PRPF3: variants seen among roughly 807,000 people sequenced by gnomAD.
The protein encoded by PRPF3 is pre-mRNA processing factor 3, also known as U4/U6 small nuclear ribonucleoprotein Prp3.
In PRPF3, 3 loss-of-function variants were observed where a neutral mutation model predicts 89.2. The observed-to-expected ratio is 0.03, with a 90% CI of 0.02 to 0.09. The LOEUF is 0.09. PRPF3 is among the 10% of genes least tolerant of loss of function. PRPF3 has a pLI of 1.00. For synonymous variants in PRPF3, 270 were observed against 289.1 expected (o/e 0.93, Z 0.67); for missense variants, 463 against 828.8 (o/e 0.56, Z 5.42).
intron 15 of PRPF3, among the ~76,000 whole-genome samples, chr1:150,351,006 C>A (rs1553874229): frequency 6.0e-5 from 9 of 151,072 alleles, no homozygotes. Flanking sequence ...GTGGCTCATG[C>A]CTATACTCCC....
At chr1:150,330,621 C>A (rs587638002) in intron 4 of PRPF3, 4 of 152,250 alleles carry the variant, frequency 2.6e-5, no homozygotes, top group African/African-American at 9.6e-5. Context: ...TCCCAAAGTG[C>A]TGGGATTACA....
chr1:150,346,764 C>T lies in PRPF3; in HGVS notation c.1843+273C>T, dbSNP rs192846747. ...CTGTGTCTGTCCTGGATCTGAGTAC[C>T]GGTTACATGAATTTATTCAGTATTT... is the stretch of plus-strand genomic sequence containing the variant. On this transcript the variant is annotated intron_variant, in intron 14 of 15. Transcript: ENST00000324862. Among the ~76,000 whole-genome samples the T allele has an allele frequency of 1.0e-3, 154 of 152,196 alleles. 1 individual carries two copies. Among genetic ancestry groups the T allele is most frequent in the African/African-American group, 3.5e-3 (146 of 41,532 alleles).
At chr1:150,346,609 G>A in intron 14 of PRPF3, 118 bp downstream of exon 14, 4 of 1,056,478 alleles carry the variant, frequency 3.8e-6, no homozygotes, top group Non-Finnish European at 1.4e-6. Context: ...TAGTGTTCAG[G>A]AATTTTAGAA....
intron 7 of PRPF3, among the ~76,000 whole-genome samples, chr1:150,335,763 C>CCTT (rs1656910847): frequency 7.0e-6 from 1 of 142,406 alleles, no homozygotes; most frequent in African/African-American, 2.6e-5. Context: ...CCGCCCCCGC[C>CCTT]TTTTTTTTTT....
chr1:150,349,224 T>G lies in PRPF3; in HGVS notation c.1905+6T>G, dbSNP rs587615563. The G allele has an allele frequency of 8.1e-6, 13 of 1,611,262 alleles. No individual in the cohort carries two copies. The East Asian group carries it at 2.7e-4, about 33-fold the overall frequency. ...AATGTGTACTAGTCTGGGAGGTAGG[T>G]GATCCTTTGTAAAACATTGTAAAAC... On this transcript the variant is annotated splice_donor_region_variant and intron_variant, in intron 15 of 15. Transcript: ENST00000324862.
At chr1:150,349,050 A>T in intron 14 of PRPF3, 107 bp from the exon 15 acceptor site, 1 of 941,396 alleles carries the variant, frequency 1.1e-6, no homozygotes, top group Non-Finnish European at 1.8e-6. Flanking sequence ...ACTTGGTCCA[A>T]CACATAAAAA....
At chr1:150,322,969 T>C (rs1201915164) in intron 1 of PRPF3, among the ~76,000 whole-genome samples, 1 of 150,444 alleles carries the variant, frequency 6.6e-6, no homozygotes, top group Non-Finnish European at 1.5e-5. Flanking sequence ...CCGCCTTCCA[T>C]GTTCAAGGGA....
intron 8 of PRPF3, among the ~76,000 whole-genome samples, chr1:150,338,971 T>A (rs1471551615): frequency 1.3e-5 from 2 of 152,218 alleles, no homozygotes; most frequent in Non-Finnish European, 2.9e-5. Flanking sequence ...TTATTTTCCT[T>A]AATTACATTC....
At chr1:150,345,914 T>C (rs941371434) in intron 12 of PRPF3, 104 bp from the exon 13 acceptor site, 6 of 866,804 alleles carry the variant, frequency 6.9e-6, no homozygotes, top group Non-Finnish European at 1.0e-5. Context: ...AGGCCTTTGT[T>C]TATAGAGAGG....
chr1:150,338,360 GT>G (rs781789902), intron 8 of PRPF3, 34 bp downstream of exon 8: 1 of 1,598,254 alleles, frequency 6.3e-7, no homozygotes, highest in South Asian at 1.1e-5. Flanking sequence ...TAAAAAAACA[GT>G]TTTTAATCAG....
intron 14 of PRPF3, 144 bp downstream of exon 14, chr1:150,346,635 T>G: frequency 1.2e-6 from 1 of 804,286 alleles, no homozygotes; most frequent in Non-Finnish European, 2.1e-6. Context: ...CGTTTAGACT[T>G]TGAGCCTCCT....
chr1:150,347,260 A>G (rs1453521212), intron 14 of PRPF3, among the ~76,000 whole-genome samples: 7 of 151,734 alleles, frequency 4.6e-5, no homozygotes, highest in Admixed American at 4.6e-4. Context: ...ATATATATAC[A>G]CACATACACA....
intron 8 of PRPF3, among the ~76,000 whole-genome samples, chr1:150,340,139 G>C (rs1413247087): frequency 6.6e-6 from 1 of 152,260 alleles, no homozygotes; most frequent in African/African-American, 2.4e-5. Flanking sequence ...CATAGCGTCT[G>C]TCAGCTGTGG....
At chr1:150,342,106 G>T (rs1553871391) in intron 9 of PRPF3, among the ~76,000 whole-genome samples, 1 of 152,024 alleles carries the variant, frequency 6.6e-6, no homozygotes, top group Non-Finnish European at 1.5e-5. Context: ...AAGAGGCCAG[G>T]CGAGGTGGCT....
chr1:150,352,505 A>G (rs1659035290), intron 15 of PRPF3, among the ~76,000 whole-genome samples: 1 of 148,054 alleles, frequency 6.8e-6, no homozygotes, highest in Non-Finnish European at 1.5e-5. Context: ...CTCTACTAGA[A>G]ATACAAAAAA....
At chr1:150,341,439 C>T (rs1657714244) in intron 9 of PRPF3, among the ~76,000 whole-genome samples, 2 of 123,554 alleles carry the variant, frequency 1.6e-5, no homozygotes, top group Admixed American at 1.0e-4. Flanking sequence ...GAGTTTCGCT[C>T]TTGTGGTCCA....
intron 3 of PRPF3, 118 bp downstream of exon 3, chr1:150,325,999 G>A (rs782221620): frequency 1.5e-6 from 2 of 1,305,920 alleles, no homozygotes; most frequent in Non-Finnish European, 2.2e-6. Context: ...GTTCAAGAGA[G>A]GTACTTAGAC....
chr1:150,324,900 G>A lies in PRPF3; in HGVS notation c.-43G>A. 3 of 1,450,812 alleles carry A rather than the reference G, an allele frequency of 2.1e-6. No homozygotes were observed. The highest frequency in any genetic ancestry group is 2.8e-6 in the Non-Finnish European group (3 of 1,063,944). 89.9% of individuals were successfully genotyped at this position (1,450,812 alleles called of 1,614,324 possible). A position where few individuals can be genotyped will look rare whatever the true frequency, so the allele number is the denominator to read the frequency against. ...TGTCTCTTTTTTTTTTTTAGGTGTAGTATTGAGTCCTGTTTGAGCTATTGT... is the reference window on the plus strand; with the variant it reads ...TGTCTCTTTTTTTTTTTTAGGTGTAATATTGAGTCCTGTTTGAGCTATTGT... On this transcript the variant is annotated 5_prime_UTR_variant, in exon 2 of 16. Coordinates refer to ENST00000324862, the MANE Select transcript of PRPF3 (RefSeq NM_004698.4).
chr1:150,350,250 G>A lies in PRPF3; in HGVS notation c.1905+1032G>A, dbSNP rs587680411. Among the ~76,000 whole-genome samples, 4 of 149,112 alleles carry A rather than the reference G, an allele frequency of 2.7e-5. No individual in the cohort carries two copies. In the East Asian group the frequency reaches 7.9e-4, roughly 29 times the overall value. ...GAGTTTTGCCCTTGTTACCCAGGCT[G>A]GAGTGCAATGGTGCAATCTCAGCTC... On this transcript the variant is annotated intron_variant, in intron 15 of 15. Coordinates refer to ENST00000324862, the MANE Select transcript of PRPF3 (RefSeq NM_004698.4).
Sources: allele counts gnomAD v4.1 joint callset (sites outside exome capture counted in the v4.1 genomes callset), GRCh38; gene constraint gnomAD v4.1.1; transcripts MANE v1.5; gene names NCBI Gene and HGNC (gene_info 2026-07-23, HGNC 2026-07-21).